Variants in MCUB observed in about 807,000 individuals in gnomAD.
MCUB encodes calcium uniporter regulatory subunit MCUb, mitochondrial.
Under a neutral mutation model 41.4 loss-of-function variants are expected in MCUB, and 46 were observed. The ratio of observed to expected loss-of-function variants is 1.11; its 90% CI spans 0.88 to 1.42. The LOEUF (loss-of-function observed/expected upper bound fraction) is 1.42. Ranked by LOEUF, MCUB falls within the 40% of genes most tolerant of loss-of-function variation. The pLI is 0.00. For synonymous variants in MCUB, 148 were observed against 148.2 expected, an observed-to-expected ratio of 1.00 and a Z score of 0.01; for missense variants, 403 against 404.9, an observed-to-expected ratio of 1.00 and a Z score of 0.04.
chr4:109,659,092 CT>C lies in MCUB; in HGVS notation c.175+9del, dbSNP rs1446806572. The C allele has an allele frequency of 7.2e-7, 1 of 1,397,038 alleles. No individual in the cohort carries two copies. Among genetic ancestry groups the C allele is most frequent in the Non-Finnish European group, 9.9e-7 (1 of 1,005,846 alleles). The allele number at this position is 1,397,038 out of a possible 1,614,324, so 86.5% of individuals were successfully genotyped here. On this transcript the variant is annotated splice_region_variant and intron_variant, in intron 2 of 7. Coordinates refer to ENST00000394650, the MANE Select transcript of MCUB (RefSeq NM_017918.5). ...TACCGTGGTGCCACCTGATGGTAAG[CT>C]TTCTTACCATTTATTTGATTCATAT...
At chr4:109,682,435 A>G in intron 4 of MCUB, 147 bp from the exon 5 acceptor site, 1 of 625,276 alleles carries the variant, frequency 1.6e-6, no homozygotes, top group Non-Finnish European at 2.8e-6. Flanking sequence ...AATGTATATT[A>G]CACCTTTGTT....
chr4:109,652,913 C>T (rs941138180), intron 1 of MCUB, among the ~76,000 whole-genome samples: 3 of 152,210 alleles, frequency 2.0e-5, no homozygotes, highest in Non-Finnish European at 4.4e-5. Flanking sequence ...GCTGGGGATA[C>T]AGCAGTGAAC....
intron 1 of MCUB, among the ~76,000 whole-genome samples, chr4:109,599,028 A>G (rs1579058433): frequency 6.6e-6 from 1 of 152,202 alleles, no homozygotes; most frequent in African/African-American, 2.4e-5. Context: ...TGTCCTTGAC[A>G]TTTAATATAT....
chr4:109,682,025 G>T (rs952383472), intron 4 of MCUB, among the ~76,000 whole-genome samples: 3 of 152,198 alleles, frequency 2.0e-5, no homozygotes, highest in Non-Finnish European at 2.9e-5. Context: ...TAGATGATCG[G>T]CTATTTCTTT....
chr4:109,625,868 ATTTC>A (rs1464634617), intron 1 of MCUB, among the ~76,000 whole-genome samples: 1 of 152,102 alleles, frequency 6.6e-6, no homozygotes, highest in African/African-American at 2.4e-5. Flanking sequence ...TCAGAAAATT[ATTTC>A]TTTAGGTTGT....
At chr4:109,657,218 CAAAAAA>C (rs56707630) in intron 1 of MCUB, among the ~76,000 whole-genome samples, 5 of 111,404 alleles carry the variant, frequency 4.5e-5, no homozygotes, top group Admixed American at 9.2e-5. Flanking sequence ...TATTCCATCT[CAAAAAA>C]AAAAAAAAAA....
At chr4:109,606,494 T>G (rs1727873362) in intron 1 of MCUB, among the ~76,000 whole-genome samples, 1 of 152,186 alleles carries the variant, frequency 6.6e-6, no homozygotes, top group Non-Finnish European at 1.5e-5. Flanking sequence ...TGATTTAATT[T>G]CTTGCTTTTT....
intron 1 of MCUB, among the ~76,000 whole-genome samples, chr4:109,574,242 A>T (rs1190621610): frequency 2.0e-5 from 3 of 152,200 alleles, no homozygotes; most frequent in Non-Finnish European, 4.4e-5. Flanking sequence ...ATCATGTGAA[A>T]GAAGGTTGTC....
Position 109,688,470 on chromosome 4 carries a change from T to C in MCUB, c.*878T>C, listed in dbSNP as rs1160690050. 1 of 152,214 alleles carries C rather than the reference T, an allele frequency of 6.6e-6. No homozygotes were observed. The highest frequency in any genetic ancestry group is 6.5e-5 in the Admixed American group (1 of 15,280). 9.4% of individuals were successfully genotyped at this position (152,214 alleles called of 1,614,324 possible). On this transcript the variant is annotated 3_prime_UTR_variant, in exon 8 of 8. Transcript: ENST00000394650. Reference sequence around the variant, plus strand: ...TCCTCAGAATGCCATACAACAATTCTGGAATGCTGATTTTTTTTAAAGTAG... The same window carrying C: ...TCCTCAGAATGCCATACAACAATTCCGGAATGCTGATTTTTTTTAAAGTAG...
chr4:109,623,841 A>G (rs764160556), intron 1 of MCUB, among the ~76,000 whole-genome samples: 1 of 152,110 alleles, frequency 6.6e-6, no homozygotes, highest in Non-Finnish European at 1.5e-5. Flanking sequence ...AAACGACTTC[A>G]TTCAAGATCT....
intron 1 of MCUB, among the ~76,000 whole-genome samples, chr4:109,585,314 C>T (rs1421437124): frequency 6.6e-6 from 1 of 152,166 alleles, no homozygotes; most frequent in East Asian, 1.9e-4. Context: ...GATCTTCCTC[C>T]ATCCCTTTAT....
chr4:109,646,834 T>G (rs1728849402), intron 1 of MCUB, among the ~76,000 whole-genome samples: 1 of 152,194 alleles, frequency 6.6e-6, no homozygotes, highest in South Asian at 2.1e-4. Flanking sequence ...GTGTTTTACA[T>G]GTGGTATCTT....
intron 1 of MCUB, among the ~76,000 whole-genome samples, chr4:109,647,929 C>T (rs571172213): frequency 2.4e-4 from 36 of 152,280 alleles, no homozygotes; most frequent in African/African-American, 8.4e-4. Flanking sequence ...AAACCAGCTT[C>T]ACACTGTTGA....
chr4:109,657,840 C>G (rs1729139329), intron 1 of MCUB, among the ~76,000 whole-genome samples: 1 of 152,278 alleles, frequency 6.6e-6, no homozygotes, highest in African/African-American at 2.4e-5. Context: ...AGACTCAGCA[C>G]TGCTGTCCAA....
intron 1 of MCUB, among the ~76,000 whole-genome samples, chr4:109,621,376 A>G (rs900125193): frequency 9.2e-5 from 14 of 152,198 alleles, no homozygotes; most frequent in African/African-American, 2.2e-4. Flanking sequence ...AAATTATACA[A>G]TTGAAGGCTA....
chr4:109,577,033 G>A (rs1727046631), intron 1 of MCUB, among the ~76,000 whole-genome samples: 1 of 152,076 alleles, frequency 6.6e-6, no homozygotes, highest in Non-Finnish European at 1.5e-5. Flanking sequence ...TGTATTTTTA[G>A]TAGAGCCAGG....
At chr4:109,686,553 C>T (rs1729841940) in intron 7 of MCUB, among the ~76,000 whole-genome samples, 2 of 152,128 alleles carry the variant, frequency 1.3e-5, no homozygotes, top group African/African-American at 4.8e-5. Flanking sequence ...TCTGAGAAGG[C>T]TAAGGAATGT....
Position 109,614,501 on chromosome 4 carries a change from C to T in MCUB, c.100-44510C>T, listed in dbSNP as rs115429216. 2.3e-3 allele frequency among the ~76,000 whole-genome samples: 352 copies of T among 151,718 alleles called. 1 individual carries two copies. Among genetic ancestry groups the T allele is most frequent in the African/African-American group, 8.0e-3 (331 of 41,326 alleles). On this transcript the variant is annotated intron_variant, in intron 1 of 7. Transcript: ENST00000394650. Reference sequence around the variant, plus strand: ...TATGTGAGGACATAGAATAAGATAGCCATTTGCCAACTCGGAAGATGACCC... The same window carrying T: ...TATGTGAGGACATAGAATAAGATAGTCATTTGCCAACTCGGAAGATGACCC...
chr4:109,645,046 A>G (rs1294260839), intron 1 of MCUB, among the ~76,000 whole-genome samples: 3 of 152,136 alleles, frequency 2.0e-5, no homozygotes, highest in Non-Finnish European at 4.4e-5. Flanking sequence ...TCCCACACAT[A>G]TCTAACAGAT....
Sources: allele counts gnomAD v4.1 joint callset (sites outside exome capture counted in the v4.1 genomes callset), GRCh38; gene constraint gnomAD v4.1.1; transcripts MANE v1.5; gene names NCBI Gene and HGNC (gene_info 2026-07-23, HGNC 2026-07-21).